Variants in RGS8 observed in about 807,000 individuals in gnomAD.
The protein encoded by RGS8 is regulator of G-protein signaling 8.
RGS8 carries 8 observed loss-of-function variants against 21.7 expected under a neutral mutation model. The ratio of observed to expected loss-of-function variants is 0.37; its 90% CI spans 0.22 to 0.66. The LOEUF (loss-of-function observed/expected upper bound fraction) is 0.66. RGS8 is among the 30% of genes least tolerant of loss of function. The pLI is 0.59. For synonymous variants in RGS8, 80 were observed against 83.6 expected (o/e 0.96, Z 0.24); for missense variants, 157 against 217.9 (o/e 0.72, Z 1.76).
chr1:182,728,503 A>G, the RGS8 span, among the ~76,000 whole-genome samples: 21 of 152,254 alleles, frequency 1.4e-4, no homozygotes, highest in Admixed American at 8.5e-4. Context: ...AATGAAATCC[A>G]AGAGCAGAAA....
the RGS8 span, among the ~76,000 whole-genome samples, chr1:182,716,125 G>GTT: frequency 7.3e-3 from 1,082 of 147,568 alleles, 9 homozygotes; most frequent in Admixed American, 0.012. Context: ...ACTGTTTTTT[G>GTT]GTTTTTTTTT....
At chr1:182,741,349 G>A in the RGS8 span, among the ~76,000 whole-genome samples, 16 of 130,166 alleles carry the variant, frequency 1.2e-4, no homozygotes, top group Admixed American at 8.7e-4. Flanking sequence ...GCGGCTGGCC[G>A]GGCGGGGGGG....
the RGS8 span, among the ~76,000 whole-genome samples, chr1:182,744,290 TAA>T: frequency 6.9e-6 from 1 of 144,492 alleles, no homozygotes. Flanking sequence ...TCTGGCTAAC[TAA>T]AAAAAAAAAA....
the RGS8 span, among the ~76,000 whole-genome samples, chr1:182,746,494 C>T: frequency 1.3e-5 from 2 of 152,206 alleles, no homozygotes; most frequent in South Asian, 4.2e-4. Context: ...TGATGAAACC[C>T]TGTCTCTACT....
chr1:182,736,113 A>G, the RGS8 span, among the ~76,000 whole-genome samples: 2 of 152,238 alleles, frequency 1.3e-5, no homozygotes, highest in Non-Finnish European at 2.9e-5. Context: ...TATCATCACC[A>G]GGCAGTAAAA....
chr1:182,655,650 C>T (rs1341908729), intron 5 of RGS8, among the ~76,000 whole-genome samples: 3 of 152,202 alleles, frequency 2.0e-5, no homozygotes, highest in Non-Finnish European at 4.4e-5. Context: ...ACACACTCAA[C>T]TTCACTAGGC....
the RGS8 span, among the ~76,000 whole-genome samples, chr1:182,716,066 T>C: frequency 6.6e-6 from 1 of 152,112 alleles, no homozygotes; most frequent in African/African-American, 2.4e-5. Flanking sequence ...CATCTCTAGA[T>C]TGCTTATAAT....
chr1:182,732,267 T>TCACACACA, the RGS8 span, among the ~76,000 whole-genome samples: 5,756 of 132,970 alleles, frequency 0.043, 153 homozygotes, highest in African/African-American at 0.086. Context: ...TCGCTCTCTC[T>TCACACACA]CTCATACACA....
At chr1:182,732,020 T>C in the RGS8 span, among the ~76,000 whole-genome samples, 65 of 152,216 alleles carry the variant, frequency 4.3e-4, no homozygotes, top group Middle Eastern at 6.8e-3. Context: ...CCAGGAAGTG[T>C]TGGGACTAGG....
chr1:182,646,967 T>G (rs915667052), intron 6 of RGS8, 50 bp from the exon 8 acceptor site: 3 of 1,485,728 alleles, frequency 2.0e-6, no homozygotes, highest in Non-Finnish European at 2.8e-6. Context: ...GGGCCAAGGT[T>G]TCTGGCAGCT....
the RGS8 span, among the ~76,000 whole-genome samples, chr1:182,712,504 G>A: frequency 6.6e-6 from 1 of 152,056 alleles, no homozygotes; most frequent in East Asian, 1.9e-4. Flanking sequence ...GTCACCCACG[G>A]CCAGAACATA....
chr1:182,698,416 T>A, the RGS8 span, among the ~76,000 whole-genome samples: 1 of 152,248 alleles, frequency 6.6e-6, no homozygotes, highest in Non-Finnish European at 1.5e-5. Flanking sequence ...AGTTTCTGCA[T>A]CTGTAAAACA....
chr1:182,662,952 GGGA>G (rs201880652), intron 5 of RGS8, among the ~76,000 whole-genome samples: 2 of 129,844 alleles, frequency 1.5e-5, no homozygotes, highest in African/African-American at 8.5e-5. Context: ...ATTGAGAATG[GGGA>G]GGGGGGGAAA....
chr1:182,741,874 G>A, the RGS8 span, among the ~76,000 whole-genome samples: 5 of 137,678 alleles, frequency 3.6e-5, no homozygotes, highest in East Asian at 2.2e-4. Context: ...CTGGCCGGGC[G>A]GGGGGCTGAC....
At chr1:182,699,339 TGTGGA>T in the RGS8 span, among the ~76,000 whole-genome samples, 1 of 152,142 alleles carries the variant, frequency 6.6e-6, no homozygotes, top group Non-Finnish European at 1.5e-5. Context: ...TCATGGTGTA[TGTGGA>T]AGGGGATGGA....
At chr1:182,703,237 A>G in the RGS8 span, among the ~76,000 whole-genome samples, 1 of 152,146 alleles carries the variant, frequency 6.6e-6, no homozygotes, top group Non-Finnish European at 1.5e-5. Flanking sequence ...CTGCAACCCA[A>G]ATTTCTGAGA....
intron 2 of RGS8, 80 bp from the exon 4 acceptor site, chr1:182,669,832 G>A (rs539398037): frequency 2.5e-5 from 35 of 1,424,030 alleles, no homozygotes; most frequent in African/African-American, 5.8e-5. Flanking sequence ...ACGGGTTTCC[G>A]CCAGCGGAAC....
the RGS8 span, among the ~76,000 whole-genome samples, chr1:182,741,820 G>A: frequency 8.6e-6 from 1 of 116,846 alleles, no homozygotes; most frequent in African/African-American, 3.0e-5. Flanking sequence ...CTTCCCAGTA[G>A]GGGCGGCCGG....
the RGS8 span, among the ~76,000 whole-genome samples, chr1:182,708,196 T>G: frequency 3.3e-5 from 5 of 152,306 alleles, no homozygotes; most frequent in South Asian, 1.0e-3. Context: ...GCAGCACCCC[T>G]TGGGAAGAAG....
Sources: gnomAD v4.1 joint callset for allele counts (sites outside exome capture counted in the v4.1 genomes callset) on GRCh38, gnomAD v4.1.1 for gene constraint, MANE v1.5 for transcripts, NCBI Gene and HGNC (gene_info 2026-07-23, HGNC 2026-07-21) for gene names.